The following DNAH9 variants were observed in gnomAD, a reference collection of about 807,000 sequenced individuals.
DNAH9 encodes dynein axonemal heavy chain 9, also known as DNAH9 variant protein.
DNAH9 carries 345 observed loss-of-function variants against 471.6 expected under a neutral mutation model. That is an observed-to-expected ratio of 0.73 (90% CI 0.67 to 0.80). DNAH9 has a LOEUF of 0.80. DNAH9 is among the 30% of genes least tolerant of loss of function. DNAH9 has a pLI of 0.00. For missense variants in DNAH9, 5,407 were observed against 5,609.2 expected, an observed-to-expected ratio of 0.96 and a Z score of 1.15; for synonymous variants, 2,093 against 2,123.6, an observed-to-expected ratio of 0.99 and a Z score of 0.40.
rs1185985839 is a variant in DNAH9 at position 11,821,996 on chromosome 17, G to A, written c.8784G>A (p.Gln2928=). Residue 2928 remains glutamine (Q), a synonymous_variant, in exon 46 of 69, where the codon CAG becomes CAA. Coordinates refer to ENST00000262442, the MANE Select transcript of DNAH9 (RefSeq NM_001372.4). The part of the protein sequence containing the change: ...ISNVRNEVKS[Q]GLVDNRENCW... ...ATGTGAGGAATGAAGTCAAGAGCCA[G>A]GGTCTGGTTGACAACAGAGAGAACT... The A allele has an allele frequency of 6.2e-7, 1 of 1,614,186 alleles. No homozygotes were observed. The highest frequency in any genetic ancestry group is 1.1e-5 in the South Asian group (1 of 91,084).
intron 49 of DNAH9, among the ~76,000 whole-genome samples, chr17:11,845,274 C>T (rs11654696): frequency 0.18 from 19,003 of 104,266 alleles, 1,821 homozygotes; most frequent in Admixed American, 0.29. Context: ...TTTGTTCTTG[C>T]GATAGTTTAC....
chr17:11,604,004 G>A (rs557738552), intron 1 of DNAH9, among the ~76,000 whole-genome samples: 2 of 150,924 alleles, frequency 1.3e-5, no homozygotes, highest in African/African-American at 2.4e-5. Context: ...ACCAGTGATG[G>A]TGCCTCCTCT....
intron 67 of DNAH9, among the ~76,000 whole-genome samples, chr17:11,942,895 T>C (rs1296161530): frequency 8.3e-6 from 1 of 120,854 alleles, no homozygotes. Context: ...GCTTGTTTTT[T>C]CTTTTTTTTT....
intron 9 of DNAH9, 28 bp from the exon 10 acceptor site, chr17:11,640,242 T>C: frequency 6.9e-7 from 1 of 1,449,466 alleles, no homozygotes; most frequent in Non-Finnish European, 9.6e-7. Flanking sequence ...TCTAGACTCA[T>C]TTCGGTCTGT....
At chr17:11,851,426 A>G (rs1362352752) in intron 49 of DNAH9, among the ~76,000 whole-genome samples, 1 of 152,002 alleles carries the variant, frequency 6.6e-6, no homozygotes, top group East Asian at 1.9e-4. Flanking sequence ...CAGAATTGAG[A>G]TCTTGGTGGA....
chr17:11,715,126 G>A (rs911313793), intron 26 of DNAH9, among the ~76,000 whole-genome samples: 3 of 152,168 alleles, frequency 2.0e-5, no homozygotes, highest in Non-Finnish European at 4.4e-5. Flanking sequence ...CCACTTTTCC[G>A]TGATAAGCAC....
At chr17:11,762,758 G>GT (rs111963634) in intron 35 of DNAH9, among the ~76,000 whole-genome samples, 12,393 of 94,750 alleles carry the variant, frequency 0.13, 1,154 homozygotes, top group East Asian at 0.22. Flanking sequence ...CTTTAGGTGC[G>GT]TTTTTTTTTT....
rs2240521 is a variant in DNAH9 at position 11,937,211 on chromosome 17, A to C, written c.12490-141A>C. 519,630 of 1,035,552 alleles carry C rather than the reference A, an allele frequency of 0.5. 131,254 individuals are homozygous for C. Among genetic ancestry groups the C allele is most frequent in the Middle Eastern group, 0.54 (2,074 of 3,820 alleles). 64.1% of individuals were successfully genotyped at this position (1,035,552 alleles called of 1,614,324 possible). A position where few individuals can be genotyped will look rare whatever the true frequency, so the allele number is the denominator to read the frequency against. On this transcript the variant is annotated intron_variant, in intron 65 of 68. Transcript: ENST00000262442. This position sits in a 1 kb window ranked among gnomAD's most constrained non-coding sequence, Gnocchi z 4.1. Reference sequence around the variant, plus strand: ...GGTGCACTAATAGGTGGAGAGGGTGATGAAGTCAACCAGGGATGGTGAGCA... The same window carrying C: ...GGTGCACTAATAGGTGGAGAGGGTGCTGAAGTCAACCAGGGATGGTGAGCA...
chr17:11,724,609 T>C (rs2075121104), intron 27 of DNAH9, among the ~76,000 whole-genome samples: 1 of 152,254 alleles, frequency 6.6e-6, no homozygotes. Flanking sequence ...TTCCATATCT[T>C]AACTATTGTG....
intron 26 of DNAH9, among the ~76,000 whole-genome samples, chr17:11,706,985 T>G (rs1342156393): frequency 1.3e-5 from 2 of 152,290 alleles, no homozygotes; most frequent in African/African-American, 2.4e-5. Context: ...GATAAACTAT[T>G]GAGAAATTTC....
chr17:11,621,458 A>G (rs898915201), intron 6 of DNAH9, among the ~76,000 whole-genome samples: 2 of 151,860 alleles, frequency 1.3e-5, no homozygotes, highest in African/African-American at 4.8e-5. Flanking sequence ...GGGAAGGAAC[A>G]AGAATCATAT....
At chr17:11,777,678 T>C (rs1282119640) in intron 38 of DNAH9, among the ~76,000 whole-genome samples, 1 of 152,236 alleles carries the variant, frequency 6.6e-6, no homozygotes, top group Non-Finnish European at 1.5e-5. Flanking sequence ...TGAAACTTTA[T>C]GTAAAATGAA....
chr17:11,611,632 T>C lies in DNAH9; in HGVS notation c.774-18T>C. 1 of 1,612,250 alleles carries C rather than the reference T, an allele frequency of 6.2e-7. No homozygotes were observed. The highest frequency in any genetic ancestry group is 1.3e-5 in the African/African-American group (1 of 75,028). Reference sequence around the variant, plus strand: ...TCCTGATGCTTCCCTGGATTCACCCTTCTTCATGATATTGCAGGTATGAAG... The same window carrying C: ...TCCTGATGCTTCCCTGGATTCACCCCTCTTCATGATATTGCAGGTATGAAG... On this transcript the variant is annotated intron_variant, in intron 3 of 68. Transcript: ENST00000262442.
At chr17:11,719,919 T>C (rs1447663342) in intron 27 of DNAH9, among the ~76,000 whole-genome samples, 1 of 152,190 alleles carries the variant, frequency 6.6e-6, no homozygotes, top group Non-Finnish European at 1.5e-5. Context: ...GTATTTGTGC[T>C]CTTCTGTAGA....
At chr17:11,834,442 C>T (rs1378243562) in intron 48 of DNAH9, among the ~76,000 whole-genome samples, 196 bp from the exon 49 acceptor site, 1 of 152,000 alleles carries the variant, frequency 6.6e-6, no homozygotes, top group Non-Finnish European at 1.5e-5. Context: ...ATCAAGAGTT[C>T]CTGGGAAAGA....
intron 48 of DNAH9, among the ~76,000 whole-genome samples, chr17:11,827,363 A>G (rs1375247620): frequency 1.3e-5 from 2 of 152,200 alleles, no homozygotes; most frequent in Non-Finnish European, 2.9e-5. Context: ...CTTCTGGGAA[A>G]GCCTCAGGGA....
intron 46 of DNAH9, 69 bp from the exon 47 acceptor site, chr17:11,822,369 C>A: frequency 6.4e-7 from 1 of 1,565,768 alleles, no homozygotes; most frequent in Non-Finnish European, 8.7e-7. Flanking sequence ...GAACCCAAGG[C>A]CATATCTGCC....
chr17:11,792,261 C>T (rs755618044), intron 41 of DNAH9, among the ~76,000 whole-genome samples: 39 of 151,978 alleles, frequency 2.6e-4, no homozygotes, highest in African/African-American at 2.4e-4. Context: ...GCAACAAGAG[C>T]GAAACTCCGT....
chr17:11,701,997 A>G (rs1439559348), intron 24 of DNAH9, among the ~76,000 whole-genome samples: 1 of 152,056 alleles, frequency 6.6e-6, no homozygotes, highest in Non-Finnish European at 1.5e-5. Context: ...AGGTGTTTTA[A>G]TAGGGGAGGC....
Sources: allele counts gnomAD v4.1 joint callset (sites outside exome capture counted in the v4.1 genomes callset), GRCh38; gene constraint gnomAD v4.1.1; non-coding constraint Gnocchi (gnomAD v3.1); transcripts MANE v1.5; gene names NCBI Gene and HGNC (gene_info 2026-07-23, HGNC 2026-07-21).